DGKB: variants seen among roughly 807,000 people sequenced by gnomAD.
DGKB encodes the protein 90 kDa diacylglycerol kinase.
In DGKB, 67 loss-of-function variants were observed where a neutral mutation model predicts 114.3. The observed-to-expected ratio is 0.59, with a 90% confidence interval of 0.48 to 0.72. The LOEUF (loss-of-function observed/expected upper bound fraction) is 0.72, where lower values mean the gene tolerates loss of function less well. DGKB is among the 30% of genes least tolerant of loss of function. DGKB has a pLI of 0.00. For synonymous variants in DGKB, 398 were observed against 323.1 expected (o/e 1.23, Z -2.49); for missense variants, 907 against 975.2 (o/e 0.93, Z 0.93).
At chr7:14,572,131 C>G (rs909643118) in intron 20 of DGKB, among the ~76,000 whole-genome samples, 1 of 151,886 alleles carries the variant, frequency 6.6e-6, no homozygotes, top group African/African-American at 2.4e-5. Context: ...ATAAATATGT[C>G]AAAAGAATGA....
chr7:14,418,086 C>A (rs900348844), intron 21 of DGKB, among the ~76,000 whole-genome samples: 5 of 149,368 alleles, frequency 3.3e-5, no homozygotes, highest in African/African-American at 1.2e-4. Flanking sequence ...TGCTGCATTA[C>A]ACAGCCTCTG....
intron 23 of DGKB, among the ~76,000 whole-genome samples, chr7:14,318,900 A>G (rs1180288683): frequency 6.6e-6 from 1 of 152,190 alleles, no homozygotes; most frequent in Non-Finnish European, 1.5e-5. Flanking sequence ...ATGTCCCACA[A>G]TGATAGACTG....
intron 1 of DGKB, among the ~76,000 whole-genome samples, chr7:14,928,839 CATCT>C (rs1349323598): frequency 5.9e-5 from 9 of 151,930 alleles, no homozygotes; most frequent in East Asian, 1.9e-4. Flanking sequence ...CTCCCTCATC[CATCT>C]GAGTCTCCAT....
At chr7:14,791,240 T>C (rs186283298) in intron 2 of DGKB, among the ~76,000 whole-genome samples, 1 of 152,326 alleles carries the variant, frequency 6.6e-6, no homozygotes, top group African/African-American at 2.4e-5. Flanking sequence ...ATTGTCAATA[T>C]ATAGAAATAC....
intron 2 of DGKB, among the ~76,000 whole-genome samples, chr7:14,780,020 G>C (rs963721236): frequency 2.0e-5 from 3 of 151,928 alleles, no homozygotes; most frequent in African/African-American, 7.3e-5. Context: ...TTTGTTGCTG[G>C]GTGCATGGCC....
At chr7:14,178,221 A>C in intron 23 of DGKB, 70 bp from the exon 24 acceptor site, 1 of 1,487,730 alleles carries the variant, frequency 6.7e-7, no homozygotes. Flanking sequence ...GCCATTTGAT[A>C]TTATGGAGAT....
chr7:14,642,905 A>C (rs1030691643), intron 13 of DGKB, among the ~76,000 whole-genome samples: 2 of 152,196 alleles, frequency 1.3e-5, no homozygotes, highest in African/African-American at 4.8e-5. Context: ...TCTATTTTTA[A>C]AATTTAGCTT....
At chr7:14,710,074 T>C (rs2128331721) in intron 6 of DGKB, among the ~76,000 whole-genome samples, 1 of 152,150 alleles carries the variant, frequency 6.6e-6, no homozygotes, top group East Asian at 1.9e-4. Flanking sequence ...CACTGCTGGA[T>C]TTCTAATGAG....
intron 21 of DGKB, among the ~76,000 whole-genome samples, chr7:14,384,357 A>C (rs1415139107): frequency 1.3e-5 from 2 of 152,346 alleles, no homozygotes; most frequent in South Asian, 2.1e-4. Context: ...TTTTGTAAAT[A>C]AAGTTTTTTT....
chr7:14,289,841 C>T (rs1280385135), intron 23 of DGKB, among the ~76,000 whole-genome samples: 1 of 150,494 alleles, frequency 6.6e-6, no homozygotes, highest in African/African-American at 2.4e-5. Flanking sequence ...TCTAAACAAA[C>T]ACCTTGGTAA....
intron 25 of DGKB, among the ~76,000 whole-genome samples, chr7:14,169,736 G>A (rs536027450): frequency 3.9e-5 from 6 of 152,152 alleles, no homozygotes; most frequent in Admixed American, 2.0e-4. Context: ...TTTGGCTGCA[G>A]TGGGAAGCAA....
intron 1 of DGKB, among the ~76,000 whole-genome samples, chr7:14,917,098 A>C (rs1784279121): frequency 6.6e-6 from 1 of 152,122 alleles, no homozygotes; most frequent in Non-Finnish European, 1.5e-5. Flanking sequence ...TAAGAAAACA[A>C]TACTTATGTC....
chr7:14,273,856 A>G (rs1325064882), intron 23 of DGKB, among the ~76,000 whole-genome samples: 1 of 152,204 alleles, frequency 6.6e-6, no homozygotes, highest in Non-Finnish European at 1.5e-5. Flanking sequence ...ATATGTGTGC[A>G]AAAAAGATGT....
intron 7 of DGKB, among the ~76,000 whole-genome samples, chr7:14,701,121 G>C (rs1342426958): frequency 6.6e-6 from 1 of 151,970 alleles, no homozygotes; most frequent in Non-Finnish European, 1.5e-5. Context: ...TATTTTTTAT[G>C]ACTATAACTA....
chr7:14,632,162 A>G (rs2128850903), intron 13 of DGKB, among the ~76,000 whole-genome samples: 1 of 152,140 alleles, frequency 6.6e-6, no homozygotes, highest in East Asian at 1.9e-4. Context: ...ACCATGCCCA[A>G]AAAGTAAATA....
intron 13 of DGKB, among the ~76,000 whole-genome samples, chr7:14,659,304 G>C (rs1477815728): frequency 6.6e-6 from 1 of 151,746 alleles, no homozygotes; most frequent in African/African-American, 2.4e-5. Context: ...GTTCAAAAGT[G>C]AGATAAATTA....
At chr7:14,287,415 T>C (rs570648627) in intron 23 of DGKB, among the ~76,000 whole-genome samples, 3 of 152,266 alleles carry the variant, frequency 2.0e-5, no homozygotes, top group South Asian at 2.1e-4. Context: ...GAATTTTTAA[T>C]AGAAAATTTC....
chr7:14,210,580 T>G (rs1254508893), intron 23 of DGKB, among the ~76,000 whole-genome samples: 6 of 152,110 alleles, frequency 3.9e-5, no homozygotes, highest in Admixed American at 1.3e-4. Context: ...AACATGCACC[T>G]GATTTTCAGA....
intron 4 of DGKB, among the ~76,000 whole-genome samples, chr7:14,736,585 C>G (rs1457122026): frequency 6.6e-6 from 1 of 152,188 alleles, no homozygotes; most frequent in Non-Finnish European, 1.5e-5. Context: ...AATACAGAGT[C>G]ATATAAACAC....
Sources: allele counts gnomAD v4.1 joint callset (sites outside exome capture counted in the v4.1 genomes callset), GRCh38; gene constraint gnomAD v4.1.1; transcripts MANE v1.5; gene names NCBI Gene and HGNC (gene_info 2026-07-23, HGNC 2026-07-21).